Variants in KRT73 observed in about 807,000 individuals in gnomAD.
KRT73 encodes the protein keratin 73, also known as keratin, type II cytoskeletal 73.
A neutral mutation model predicts 47.2 loss-of-function variants in KRT73; 44 were observed. That is an observed-to-expected ratio of 0.93 (90% CI 0.73 to 1.20). The LOEUF (loss-of-function observed/expected upper bound fraction) is 1.20, where lower values mean the gene tolerates loss of function less well. Ranked by LOEUF, KRT73 falls within the 50% of genes most tolerant of loss-of-function variation. KRT73 has a pLI of 0.00. For synonymous variants in KRT73, 285 were observed against 291.3 expected (o/e 0.98, Z 0.22); for missense variants, 713 against 704.5 (o/e 1.01, Z -0.14).
chr12:52,613,376 C>T, intron 5 of KRT73: 2 of 250,388 alleles, frequency 8.0e-6, no homozygotes, highest in Non-Finnish European at 1.5e-5. Context: ...TTCTCCCCTC[C>T]AGACAGAACT....
the KRT73 span, among the ~76,000 whole-genome samples, chr12:52,630,620 A>G: frequency 8.6e-5 from 13 of 150,686 alleles, no homozygotes; most frequent in South Asian, 2.1e-4. Context: ...GAAAAATTGG[A>G]AAAAAAATCT....
At chr12:52,617,243 C>A (rs1165149386) in intron 1 of KRT73, among the ~76,000 whole-genome samples, 1 of 152,202 alleles carries the variant, frequency 6.6e-6, no homozygotes, top group Non-Finnish European at 1.5e-5. Context: ...GGTGAGCTTC[C>A]CCTGCTCCTC....
chr12:52,610,653 G>T lies in KRT73; in HGVS notation c.1293C>A (p.Ile431=), dbSNP rs60833636. 1.9e-6 allele frequency: 3 copies of T among 1,613,586 alleles called. No individual in the cohort carries two copies. Among genetic ancestry groups the T allele is most frequent in the South Asian group, 1.1e-5 (1 of 91,044 alleles). ...CCTCCAGCAGCTTGCGGTAGGTGGC[G>T]ATCTCAATATCCAGGGACAGCTTCA... ...LSVKLSLDIE[I]ATYRKLLEGE... The change falls in exon 7 of 9, where the codon ATC becomes ATA. Residue 431 remains isoleucine, a synonymous_variant. Transcript: ENST00000305748.
chr12:52,609,429 A>T, intron 7 of KRT73, 148 bp from the exon 8 acceptor site: 1 of 716,082 alleles, frequency 1.4e-6, no homozygotes, highest in South Asian at 1.5e-5. Flanking sequence ...CTGCCCTTGC[A>T]TGTCTCTAAG....
At chr12:52,616,125 A>T in intron 2 of KRT73, 41 bp downstream of exon 2, 1 of 1,608,168 alleles carries the variant, frequency 6.2e-7, no homozygotes, top group Non-Finnish European at 8.5e-7. Context: ...GGAAAGCCTC[A>T]CCCTGGGAGG....
Position 52,614,639 on chromosome 12 carries a change from C to T in KRT73, c.759G>A (p.Leu253=), listed in dbSNP as rs1940774825. 1 of 1,613,796 alleles carries T rather than the reference C, an allele frequency of 6.2e-7. No individual in the cohort carries two copies. Among genetic ancestry groups the T allele is most frequent in the Admixed American group, 1.7e-5 (1 of 59,988 alleles). The change falls in exon 4 of 9, where the codon CTG becomes CTA. Residue 253 remains leucine, a synonymous_variant. Coordinates refer to ENST00000305748, the MANE Select transcript of KRT73 (RefSeq NM_175068.3). ...CATCCAGGGCATCCACCTTGGCCTG[C>T]AGCTCCACTTTGCTCGTGTAAGCTG... ...VDAAYTSKVE[L]QAKVDALDGE...
chr12:52,618,281 C>T lies in KRT73; in HGVS notation c.244G>A (p.Ala82Thr), dbSNP rs767888035. ...GCCACACTGCCAAACATGCTGCCAGCAAAGCCACTGGCCCGGCCCCGGCCA... is the reference window on the plus strand; with the variant it reads ...GCCACACTGCCAAACATGCTGCCAGTAAAGCCACTGGCCCGGCCCCGGCCA... ...GFGRGRASGF[A>T]GSMFGSVALG... The change falls in exon 1 of 9, where the codon GCT (alanine) becomes ACT (threonine). Residue 82 changes from alanine (A) to threonine (T), a missense_variant. Ala to Thr is a moderately conservative substitution (Grantham distance 58). Transcript: ENST00000305748. The T allele has an allele frequency of 2.0e-5, 32 of 1,614,218 alleles. No individual in the cohort carries two copies. The highest frequency in any genetic ancestry group is 2.6e-5 in the Non-Finnish European group (31 of 1,180,044).
At chr12:52,615,072 C>T (rs1005828992) in intron 3 of KRT73, 2 of 544,588 alleles carry the variant, frequency 3.7e-6, no homozygotes, top group Non-Finnish European at 3.3e-6. Flanking sequence ...TGACTATCCA[C>T]ATCTAGGTTC....
intron 6 of KRT73, 105 bp from the exon 7 acceptor site, chr12:52,610,940 T>C (rs774936020): frequency 8.7e-4 from 932 of 1,075,912 alleles, no homozygotes; most frequent in Non-Finnish European, 1.1e-3. Context: ...CCCCATGTCC[T>C]GGAGCAGAGA....
At chr12:52,621,850 G>T (rs1380140488), upstream of KRT73, among the ~76,000 whole-genome samples, 3 of 152,226 alleles carry the variant, frequency 2.0e-5, no homozygotes, top group East Asian at 5.8e-4. Context: ...AATCAGGGAA[G>T]TCCAAGAAAG....
chr12:52,618,472 C>T lies in KRT73; in HGVS notation c.53G>A (p.Ser18Asn), dbSNP rs1217864892. 6.2e-7 allele frequency: 1 copy of T among 1,612,878 alleles called. No homozygotes were observed. The highest frequency in any genetic ancestry group is 8.5e-7 in the Non-Finnish European group (1 of 1,179,420). ...KSGAAAKGGF[S>N]GCSAVLSGGS... ...CCCTGAGAGCACAGCGGAGCAGCCG[C>T]TGAAGCCCCCCTTGGCAGCAGCTCC... The change falls in exon 1 of 9, where the codon AGC (serine) becomes AAC (asparagine). Residue 18 changes from serine (S) to asparagine (N), a missense_variant. Physicochemically the swap from Ser to Asn is conservative, Grantham distance 46. Transcript: ENST00000305748.
chr12:52,614,860 C>T, intron 3 of KRT73, 186 bp from the exon 4 acceptor site: 1 of 569,510 alleles, frequency 1.8e-6, no homozygotes, highest in Non-Finnish European at 3.1e-6. Context: ...GCAAGTTTCT[C>T]ATGCCTCTGG....
intron 1 of KRT73, among the ~76,000 whole-genome samples, chr12:52,617,400 C>T (rs1252696477): frequency 6.6e-6 from 1 of 152,206 alleles, no homozygotes; most frequent in African/African-American, 2.4e-5. Flanking sequence ...GATTCAGTTG[C>T]TCTGGGGTGG....
Position 52,607,578 on chromosome 12 carries a change from A to G in KRT73, c.*618T>C, listed in dbSNP as rs918600079. 6.6e-6 allele frequency: 1 copy of G among 152,246 alleles called. No individual in the cohort carries two copies. The highest frequency in any genetic ancestry group is 2.4e-5 in the African/African-American group (1 of 41,442). 9.4% of individuals were successfully genotyped at this position (152,246 alleles called of 1,614,324 possible). A position where few individuals can be genotyped will look rare whatever the true frequency, so the allele number is the denominator to read the frequency against. ...ATCAGCCTGACCCCACGTGGGCTTT[A>G]TAAGTTTATTGGTAAGACACAGGAG... is the stretch of plus-strand genomic sequence containing the variant. On this transcript the variant is annotated 3_prime_UTR_variant, in exon 9 of 9. Coordinates refer to ENST00000305748, the MANE Select transcript of KRT73 (RefSeq NM_175068.3).
Position 52,608,368 on chromosome 12 carries a change from G to A in KRT73, c.1451C>T (p.Pro484Leu), listed in dbSNP as rs1191892878. ...FSNAGTYGYW[P>L]SSVSGGYSML... Reference sequence around the variant, plus strand: ...GCTGTAGCCCCCGCTGACAGAGCTGGGCCAGTAGCCGTAGGTGCCAGCATT... The same window carrying A: ...GCTGTAGCCCCCGCTGACAGAGCTGAGCCAGTAGCCGTAGGTGCCAGCATT... Residue 484 changes from proline to leucine, a missense_variant, in exon 9 of 9, where the codon CCC becomes CTC. Transcript: ENST00000305748. 1.9e-6 allele frequency: 3 copies of A among 1,613,434 alleles called. No individual in the cohort carries two copies. Among genetic ancestry groups the A allele is most frequent in the African/African-American group, 1.3e-5 (1 of 75,032 alleles).
chr12:52,620,239 G>A (rs750176451), upstream of KRT73, among the ~76,000 whole-genome samples: 19 of 148,928 alleles, frequency 1.3e-4, no homozygotes, highest in Non-Finnish European at 2.8e-4. Flanking sequence ...TCAGCCTCCT[G>A]AGTAGCTGGG....
chr12:52,611,115 T>C, intron 6 of KRT73, 89 bp downstream of exon 6: 5 of 1,507,210 alleles, frequency 3.3e-6, no homozygotes, highest in Non-Finnish European at 4.5e-6. Context: ...GATTCTGAAA[T>C]GGATGCTCAA....
chr12:52,614,840 G>A (rs1010623266), intron 3 of KRT73, 166 bp from the exon 4 acceptor site: 8 of 580,804 alleles, frequency 1.4e-5, no homozygotes, highest in South Asian at 4.5e-5. Context: ...GACTCACTGC[G>A]AAACCTGGGG....
At chr12:52,629,578 G>T in the KRT73 span, among the ~76,000 whole-genome samples, 285 of 152,308 alleles carry the variant, frequency 1.9e-3, no homozygotes, top group Middle Eastern at 0.014. Context: ...CTGGCCAAAG[G>T]CTCCTTCCTT....
Sources: gnomAD v4.1 joint callset for allele counts (sites outside exome capture counted in the v4.1 genomes callset) on GRCh38, gnomAD v4.1.1 for gene constraint, MANE v1.5 for transcripts, NCBI Gene and HGNC (gene_info 2026-07-23, HGNC 2026-07-21) for gene names.